The following CACNA2D3 variants were observed in gnomAD, a reference collection of about 807,000 sequenced individuals.
CACNA2D3 encodes voltage-dependent calcium channel subunit alpha-2/delta-3.
Under a neutral mutation model 160.6 loss-of-function variants are expected in CACNA2D3, and 60 were observed. That is an observed-to-expected ratio of 0.37 (90% confidence interval 0.30 to 0.46). The LOEUF (loss-of-function observed/expected upper bound fraction) is 0.46. Ranked by LOEUF, CACNA2D3 falls within the 20% of genes least tolerant of loss-of-function variation. The probability of loss-of-function intolerance (pLI) is 1.00; values close to 1 mark genes in which losing one functional copy is unlikely to be tolerated. For synonymous variants in CACNA2D3, 558 were observed against 492.9 expected (o/e 1.13, Z -1.75); for missense variants, 1,205 against 1,365.0 (o/e 0.88, Z 1.85).
At chr3:54,151,435 G>A (rs1482538502) in intron 2 of CACNA2D3, among the ~76,000 whole-genome samples, 2 of 149,454 alleles carry the variant, frequency 1.3e-5, no homozygotes, top group Non-Finnish European at 3.0e-5. Flanking sequence ...GAGGAAGGAA[G>A]GGATGGGTGA....
Position 54,386,712 on chromosome 3 carries a change from T to C in CACNA2D3, c.322-3T>C. 4 of 1,540,322 alleles carry C rather than the reference T, an allele frequency of 2.6e-6. No individual in the cohort carries two copies. Among genetic ancestry groups the C allele is most frequent in the Non-Finnish European group, 3.5e-6 (4 of 1,148,144 alleles). On this transcript the variant is annotated splice_region_variant and splice_polypyrimidine_tract_variant and intron_variant, in intron 3 of 37. Coordinates refer to ENST00000474759, the MANE Select transcript of CACNA2D3 (RefSeq NM_018398.3). Reference sequence around the variant, plus strand: ...GTCTTCTGTTTTTTTTTTTTTTTTTTAGCGTCTGGTGGAGGCTGCAGAAGA... The same window carrying C: ...GTCTTCTGTTTTTTTTTTTTTTTTTCAGCGTCTGGTGGAGGCTGCAGAAGA...
chr3:54,575,714 G>T (rs1702569562), intron 8 of CACNA2D3, among the ~76,000 whole-genome samples: 1 of 152,116 alleles, frequency 6.6e-6, no homozygotes, highest in Non-Finnish European at 1.5e-5. Flanking sequence ...ATCGCCTGGG[G>T]CTCTGTGGTG....
At chr3:54,936,539 T>A (rs1200442893) in intron 27 of CACNA2D3, among the ~76,000 whole-genome samples, 1 of 152,212 alleles carries the variant, frequency 6.6e-6, no homozygotes, top group African/African-American at 2.4e-5. Flanking sequence ...TGCTGCAGCC[T>A]CCATTCAGGT....
intron 2 of CACNA2D3, among the ~76,000 whole-genome samples, chr3:54,265,327 G>A (rs1702479519): frequency 6.6e-6 from 1 of 152,058 alleles, no homozygotes. Context: ...TCATAAGTGG[G>A]AGTTGAACAA....
chr3:54,645,373 A>T (rs1699614077), intron 11 of CACNA2D3, among the ~76,000 whole-genome samples: 2 of 152,200 alleles, frequency 1.3e-5, no homozygotes, highest in South Asian at 4.1e-4. Flanking sequence ...ACAGAGCCAA[A>T]CCATATCGTT....
chr3:54,790,214 T>A (rs541294518), intron 13 of CACNA2D3, among the ~76,000 whole-genome samples: 126 of 152,166 alleles, frequency 8.3e-4, no homozygotes, highest in African/African-American at 2.9e-3. Flanking sequence ...TTATCACATA[T>A]AAAAGGGGGA....
chr3:54,515,093 C>G (rs2106971307), intron 5 of CACNA2D3, among the ~76,000 whole-genome samples: 1 of 152,046 alleles, frequency 6.6e-6, no homozygotes, highest in East Asian at 1.9e-4. Flanking sequence ...ACTCCCTGTG[C>G]TCAAGAGAAA....
intron 10 of CACNA2D3, among the ~76,000 whole-genome samples, chr3:54,640,908 C>T (rs952828428): frequency 1.3e-5 from 2 of 152,074 alleles, no homozygotes; most frequent in African/African-American, 4.8e-5. Flanking sequence ...ATTTCTGTGC[C>T]AACTCCTTTG....
rs531852353 is a variant in CACNA2D3 at position 54,122,720 on chromosome 3, G to C, written c.7G>C (p.Gly3Arg). MA[G>R]PGSPRRASRG... ...GCGTCGGAGGGAGCCCAGCATGGCC[G>C]GGCCGGGCTCGCCGCGCCGCGCGTC... Residue 3 changes from glycine to arginine, a missense_variant, in exon 1 of 38, where the codon GGG becomes CGG. Physicochemically the swap from Gly to Arg is moderately radical, Grantham distance 125 (BLOSUM62 -2). Around this residue, in one of 3 missense-constraint regions of CACNA2D3, gnomAD observed 163 missense variants for 161.3 expected, o/e 1.01. Coordinates refer to ENST00000474759, the MANE Select transcript of CACNA2D3 (RefSeq NM_018398.3). The C allele has an allele frequency of 3.8e-4, 458 of 1,195,872 alleles. No homozygotes were observed. Among genetic ancestry groups the C allele is most frequent in the Non-Finnish European group, 4.5e-4 (433 of 964,672 alleles). The allele number at this position is 1,195,872 out of a possible 1,614,324, so 74.1% of individuals were successfully genotyped here. A position where few individuals can be genotyped will look rare whatever the true frequency, so the allele number is the denominator to read the frequency against.
intron 4 of CACNA2D3, among the ~76,000 whole-genome samples, chr3:54,455,420 T>C (rs1216645974): frequency 6.6e-6 from 1 of 152,176 alleles, no homozygotes; most frequent in Non-Finnish European, 1.5e-5. Context: ...ATTTGCCCAT[T>C]TTTAATCAGA....
chr3:54,549,572 G>C (rs1220857918), intron 5 of CACNA2D3, among the ~76,000 whole-genome samples: 2 of 152,216 alleles, frequency 1.3e-5, no homozygotes, highest in East Asian at 1.9e-4. Flanking sequence ...CACGGAAGCC[G>C]TGACTGTGTA....
intron 4 of CACNA2D3, among the ~76,000 whole-genome samples, chr3:54,477,754 C>A (rs1380329796): frequency 6.6e-6 from 1 of 152,160 alleles, no homozygotes; most frequent in Non-Finnish European, 1.5e-5. Context: ...GATCAGATTT[C>A]TCCTAGAGAA....
chr3:54,385,012 A>G (rs1322933068), intron 3 of CACNA2D3, among the ~76,000 whole-genome samples: 1 of 152,148 alleles, frequency 6.6e-6, no homozygotes, highest in African/African-American at 2.4e-5. Flanking sequence ...TGAACCCACC[A>G]TGCCTGGCCT....
chr3:54,466,479 A>G (rs1220754538), intron 4 of CACNA2D3, among the ~76,000 whole-genome samples: 2 of 152,112 alleles, frequency 1.3e-5, no homozygotes, highest in African/African-American at 4.8e-5. Context: ...TGCCTTTTTT[A>G]TTTTTGGAAG....
intron 11 of CACNA2D3, among the ~76,000 whole-genome samples, chr3:54,697,718 T>G (rs1049741825): frequency 6.6e-6 from 1 of 152,218 alleles, no homozygotes; most frequent in Admixed American, 6.5e-5. Context: ...ATAGGCAAGA[T>G]ACTTCTAGTT....
At chr3:54,694,883 T>TG (rs2106938399) in intron 11 of CACNA2D3, among the ~76,000 whole-genome samples, 1 of 152,368 alleles carries the variant, frequency 6.6e-6, no homozygotes, top group Admixed American at 6.5e-5. Flanking sequence ...TCATAGGGAA[T>TG]GCATAGTTAA....
chr3:54,321,839 C>A (rs894054446), intron 3 of CACNA2D3, among the ~76,000 whole-genome samples: 4 of 146,498 alleles, frequency 2.7e-5, no homozygotes, highest in Non-Finnish European at 5.9e-5. Context: ...CATATGAAAG[C>A]ATTTCTGTCC....
intron 5 of CACNA2D3, among the ~76,000 whole-genome samples, chr3:54,511,536 C>T (rs1400065928): frequency 6.6e-6 from 1 of 152,190 alleles, no homozygotes; most frequent in Non-Finnish European, 1.5e-5. Flanking sequence ...TTTCTGAAGA[C>T]AGTAATTTTA....
intron 10 of CACNA2D3, among the ~76,000 whole-genome samples, chr3:54,637,536 G>A (rs1271535924): frequency 6.6e-6 from 1 of 151,970 alleles, no homozygotes; most frequent in Admixed American, 6.5e-5. Flanking sequence ...TGGCACCAGA[G>A]TTGGGGAGTT....
Sources: gnomAD v4.1 joint callset for allele counts (sites outside exome capture counted in the v4.1 genomes callset) on GRCh38, gnomAD v4.1.1 for gene constraint, gnomAD v4.1.1 regional missense constraint, MANE v1.5 for transcripts, NCBI Gene and HGNC (gene_info 2026-07-23, HGNC 2026-07-21) for gene names.